The following TMEM40 variants were observed in gnomAD, a reference collection of about 807,000 sequenced individuals.
The protein encoded by TMEM40 is transmembrane protein 40.
A neutral mutation model predicts 40.8 loss-of-function variants in TMEM40; 34 were observed. The observed-to-expected ratio is 0.83, with a 90% CI of 0.63 to 1.11. The LOEUF is 1.11. Ranked by LOEUF, TMEM40 falls within the 50% of genes least tolerant of loss-of-function variation. The pLI is 0.00. For missense variants in TMEM40, 296 were observed against 280.2 expected (o/e 1.06, Z -0.40); for synonymous variants, 106 against 107.0 (o/e 0.99, Z 0.06).
chr3:12,761,647 C>G (rs2061569184), upstream of TMEM40, among the ~76,000 whole-genome samples: 1 of 151,570 alleles, frequency 6.6e-6, no homozygotes, highest in Admixed American at 6.6e-5. Flanking sequence ...AAGGATTTGG[C>G]TGCTGCATTG....
intron 1 of TMEM40, among the ~76,000 whole-genome samples, chr3:12,757,758 A>G (rs925951892): frequency 6.6e-6 from 1 of 152,240 alleles, no homozygotes; most frequent in Non-Finnish European, 1.5e-5. Context: ...AAGAGAATTG[A>G]CAACCTATAT....
At chr3:12,741,530 G>C (rs925376163) in intron 5 of TMEM40, among the ~76,000 whole-genome samples, 2 of 152,156 alleles carry the variant, frequency 1.3e-5, no homozygotes, top group Non-Finnish European at 2.9e-5. Flanking sequence ...CATGAAATGA[G>C]AACTCAAGCA....
intron 1 of TMEM40, chr3:12,769,131 CG>C: frequency 1.2e-5 from 1 of 81,540 alleles, no homozygotes; most frequent in Non-Finnish European, 4.0e-5. Context: ...CCTCACTGCC[CG>C]GGACTGGCGG....
intron 1 of TMEM40, among the ~76,000 whole-genome samples, chr3:12,767,105 C>G (rs75650209): frequency 0.045 from 6,876 of 152,254 alleles, 159 homozygotes; most frequent in African/African-American, 0.055. Flanking sequence ...CCTGGAGCAG[C>G]TACTAGAGAA....
At chr3:12,764,172 C>G (rs2061584606), upstream of TMEM40, among the ~76,000 whole-genome samples, 2 of 152,112 alleles carry the variant, frequency 1.3e-5, no homozygotes, top group Admixed American at 1.3e-4. Context: ...CCTCAGCCTC[C>G]CAAAGTGTTG....
chr3:12,769,131 CGGG>C, intron 1 of TMEM40: 1 of 81,540 alleles, frequency 1.2e-5, no homozygotes, highest in South Asian at 5.0e-5. Context: ...CCTCACTGCC[CGGG>C]ACTGGCGGGG....
chr3:12,763,029 G>A (rs576056772), upstream of TMEM40, among the ~76,000 whole-genome samples: 35 of 151,452 alleles, frequency 2.3e-4, no homozygotes, highest in East Asian at 5.4e-3. Flanking sequence ...GCGTGGTGGC[G>A]GGCTCCCGTA....
chr3:12,765,149 G>A (rs1172611244), intron 1 of TMEM40, among the ~76,000 whole-genome samples: 1 of 152,046 alleles, frequency 6.6e-6, no homozygotes, highest in Non-Finnish European at 1.5e-5. Context: ...GAGCCACCGC[G>A]CCTGGCCTGA....
intron 1 of TMEM40, among the ~76,000 whole-genome samples, chr3:12,753,220 T>TTC (rs2061492608): frequency 7.4e-6 from 1 of 134,826 alleles, no homozygotes; most frequent in African/African-American, 2.8e-5. Context: ...TCTTTTTTTT[T>TTC]TTTTTTTTTT....
chr3:12,748,612 C>G, intron 3 of TMEM40, 43 bp downstream of exon 3: 1 of 1,577,182 alleles, frequency 6.3e-7, no homozygotes, highest in Non-Finnish European at 8.6e-7. Context: ...CCATGTAAAT[C>G]TTTTTCTTGA....
intron 3 of TMEM40, among the ~76,000 whole-genome samples, chr3:12,748,081 A>G (rs551173629): frequency 5.3e-5 from 8 of 152,190 alleles, no homozygotes; most frequent in Non-Finnish European, 1.0e-4. Flanking sequence ...GGGGAAGACC[A>G]TAACACAACA....
At chr3:12,752,908 G>A (rs1025900564) in intron 1 of TMEM40, among the ~76,000 whole-genome samples, 2 of 152,198 alleles carry the variant, frequency 1.3e-5, no homozygotes, top group African/African-American at 4.8e-5. Context: ...GACTAAAGGA[G>A]TGATGCTGGC....
Position 12,768,046 on chromosome 3 carries a change from C to A in TMEM40, c.-9+1205G>T, listed in dbSNP as rs552942710. 2.0e-5 allele frequency among the ~76,000 whole-genome samples: 3 copies of A among 152,252 alleles called. 1 individual carries two copies. In the South Asian group the frequency reaches 6.2e-4, roughly 32 times the overall value. On this transcript the variant is annotated intron_variant, in intron 1 of 11. Transcript: ENST00000264728. ...CTGACTTCAAGAATGAAGCCACAGA[C>A]CCTCGCAGTGTTACAGTTCTTAAAG... is the stretch of plus-strand genomic sequence containing the variant.
chr3:12,740,880 C>G (rs1377349853), intron 5 of TMEM40, among the ~76,000 whole-genome samples: 2 of 151,944 alleles, frequency 1.3e-5, no homozygotes, highest in South Asian at 2.1e-4. Flanking sequence ...AAATGAAAAA[C>G]AAACCTCCCC....
rs547725841 is a variant in TMEM40, at chr3:12,766,921, C to T, written c.-9+2330G>A. Among the ~76,000 whole-genome samples, 53 of 152,328 alleles carry T rather than the reference C, an allele frequency of 3.5e-4. No individual in the cohort carries two copies. In the South Asian group the frequency reaches 5.2e-3, roughly 15 times the overall value. On this transcript the variant is annotated intron_variant, in intron 1 of 11. Coordinates refer to the TMEM40 transcript ENST00000264728. ...CACCTTGTGGAACGAGAGATCTTCC[C>T]TTTCCCTACCCTCTCATCCTGGATG... is the stretch of plus-strand genomic sequence containing the variant.
intron 5 of TMEM40, among the ~76,000 whole-genome samples, chr3:12,741,577 G>A (rs73812876): frequency 0.12 from 17,718 of 152,094 alleles, 2,949 homozygotes; most frequent in African/African-American, 0.37. Context: ...TCTGGGGGAA[G>A]GAAGTAATTC....
At chr3:12,751,818 C>A (rs1381175788) in intron 1 of TMEM40, among the ~76,000 whole-genome samples, 1 of 151,920 alleles carries the variant, frequency 6.6e-6, no homozygotes, top group African/African-American at 2.4e-5. Context: ...AGTTGTAGAG[C>A]CACGTGGGGG....
At chr3:12,766,698 T>C (rs1361765700) in intron 1 of TMEM40, among the ~76,000 whole-genome samples, 2 of 152,214 alleles carry the variant, frequency 1.3e-5, no homozygotes, top group Non-Finnish European at 2.9e-5. Context: ...CCTCTGACAC[T>C]GCTGAACAGT....
At chr3:12,769,030 G>A (rs755200559) in intron 1 of TMEM40, among the ~76,000 whole-genome samples, 11 of 152,064 alleles carry the variant, frequency 7.2e-5, no homozygotes, top group Non-Finnish European at 1.5e-4. Context: ...GGCAGCTAAG[G>A]CCCTGCGAGA....
Sources: allele counts gnomAD v4.1 joint callset (sites outside exome capture counted in the v4.1 genomes callset), GRCh38; gene constraint gnomAD v4.1.1; transcripts MANE v1.5; gene names NCBI Gene and HGNC (gene_info 2026-07-23, HGNC 2026-07-21).